Variants in BUB3 observed in about 807,000 individuals in gnomAD.
BUB3 encodes mitotic checkpoint protein BUB3.
A neutral mutation model predicts 39.9 loss-of-function variants in BUB3; 22 were observed. The ratio of observed to expected loss-of-function variants is 0.55; its 90% CI spans 0.39 to 0.79. BUB3 has a LOEUF of 0.79. Ranked by LOEUF, BUB3 falls within the 30% of genes least tolerant of loss-of-function variation. BUB3 has a pLI of 0.00. For missense variants in BUB3, 303 were observed against 415.4 expected (o/e 0.73, Z 2.35); for synonymous variants, 168 against 155.1 (o/e 1.08, Z -0.62).
intron 3 of BUB3, among the ~76,000 whole-genome samples, chr10:123,156,886 G>A (rs1201090963): frequency 6.6e-6 from 1 of 152,064 alleles, no homozygotes; most frequent in Non-Finnish European, 1.5e-5. Flanking sequence ...TGGGACTACA[G>A]GTGTGCGCCA....
intron 3 of BUB3, among the ~76,000 whole-genome samples, chr10:123,156,753 G>GTTTTTT (rs756642442): frequency 2.2e-5 from 3 of 135,080 alleles, no homozygotes; most frequent in African/African-American, 5.6e-5. Flanking sequence ...TTTCTTTCTT[G>GTTTTTT]TTTTTTTTTT....
intron 7 of BUB3, 149 bp from the exon 8 acceptor site, chr10:123,163,671 C>G (rs1844452669): frequency 1.5e-6 from 1 of 650,218 alleles, no homozygotes; most frequent in African/African-American, 1.9e-5. Context: ...ATCAGATATG[C>G]TTTTACAGGT....
chr10:123,161,697 A>G (rs1465285040), intron 5 of BUB3, among the ~76,000 whole-genome samples: 1 of 152,192 alleles, frequency 6.6e-6, no homozygotes, highest in Non-Finnish European at 1.5e-5. Context: ...AGATGAAAAA[A>G]CGTTTAAAAT....
Position 123,163,899 on chromosome 10 carries a change from G to T in BUB3, c.*64G>T. ...AAAACAATTCGTACTCCCCAATGGTGGATTTATTACTATTAAAGAAACCAG... is the reference window on the plus strand; with the variant it reads ...AAAACAATTCGTACTCCCCAATGGTTGATTTATTACTATTAAAGAAACCAG... On this transcript the variant is annotated 3_prime_UTR_variant, in exon 8 of 8. Coordinates refer to ENST00000368865, the MANE Select transcript of BUB3 (RefSeq NM_004725.4). The T allele has an allele frequency of 1.3e-6, 2 of 1,505,316 alleles. No individual in the cohort carries two copies. Among genetic ancestry groups the T allele is most frequent in the Admixed American group, 2.0e-5 (1 of 50,538 alleles). 93.2% of individuals were successfully genotyped at this position (1,505,316 alleles called of 1,614,324 possible).
rs1205733721 is a variant in BUB3 at position 123,160,478 on chromosome 10, C to T, written c.489C>T (p.Asp163=). ...GTAGRRVLVW[D]LRNMGYVQQR... ...CAGGCCGCAGAGTGTTGGTGTGGGA[C>T]TTACGGAACATGGGTTACGTGCAGC... is the stretch of plus-strand genomic sequence containing the variant. Residue 163 remains aspartate (D), a synonymous_variant, in exon 5 of 8, where the codon GAC becomes GAT. Transcript: ENST00000368865. The T allele has an allele frequency of 3.7e-6, 6 of 1,613,540 alleles. No homozygotes were observed. The highest frequency in any genetic ancestry group is 5.1e-6 in the Non-Finnish European group (6 of 1,179,950).
At chr10:123,155,858 G>A in intron 3 of BUB3, 131 bp downstream of exon 3, 4 of 739,050 alleles carry the variant, frequency 5.4e-6, no homozygotes, top group Non-Finnish European at 9.1e-6. Flanking sequence ...TTGAATTTAG[G>A]ATTTTTTTAA....
intron 7 of BUB3, among the ~76,000 whole-genome samples, chr10:123,163,602 A>G (rs780885667): frequency 6.6e-5 from 10 of 152,248 alleles, no homozygotes; most frequent in Admixed American, 2.0e-4. Context: ...TAAAATGGAT[A>G]TGGTACCCTT....
rs1167886422 is a variant in BUB3 at position 123,164,237 on chromosome 10, G to A, written c.*402G>A. 3.0e-6 allele frequency: 3 copies of A among 990,930 alleles called. No homozygotes were observed. Among genetic ancestry groups the A allele is most frequent in the Non-Finnish European group, 2.4e-6 (2 of 834,070 alleles). 61.4% of individuals were successfully genotyped at this position (990,930 alleles called of 1,614,324 possible). ...CGTGAGCCATTTGTTTCTTTTGCTG[G>A]TTATAGTTGCTAATTCTAAAGCTGC... On this transcript the variant is annotated 3_prime_UTR_variant, in exon 8 of 8. Coordinates refer to ENST00000368865, the MANE Select transcript of BUB3 (RefSeq NM_004725.4).
rs760320552 is a variant in BUB3, at chr10:123,160,406, G to A, written c.418-1G>A. On this transcript the variant is annotated splice_acceptor_variant, in intron 4 of 7. Coordinates refer to ENST00000368865, the MANE Select transcript of BUB3 (RefSeq NM_004725.4). LOFTEE classifies it high-confidence loss of function. ...TAGCAAGTTTTGATCTTTTTTAAAA[G>A]GTATATACCCTCTCAGTGTCTGGAG... The A allele has an allele frequency of 1.9e-6, 3 of 1,556,370 alleles. No individual in the cohort carries two copies.
Position 123,157,891 on chromosome 10 carries a change from T to C in BUB3, c.417+11T>C, listed in dbSNP as rs760679689. Reference sequence around the variant, plus strand: ...TCTCAGCCTGAAAAGGTAGGCTCTTTATATTCATTGCAGGAGTTGATGGTT... The same window carrying C: ...TCTCAGCCTGAAAAGGTAGGCTCTTCATATTCATTGCAGGAGTTGATGGTT... On this transcript the variant is annotated intron_variant, in intron 4 of 7. Coordinates refer to ENST00000368865, the MANE Select transcript of BUB3 (RefSeq NM_004725.4). 1.2e-6 allele frequency: 2 copies of C among 1,609,040 alleles called. No homozygotes were observed. Among genetic ancestry groups the C allele is most frequent in the East Asian group, 2.2e-5 (1 of 44,776 alleles).
In BUB3 at chr10:123,164,720, C is replaced by A; in HGVS notation, c.*885C>A. 3.8e-6 allele frequency: 4 copies of A among 1,062,580 alleles called. No homozygotes were observed. Among genetic ancestry groups the A allele is most frequent in the Non-Finnish European group, 3.4e-6 (3 of 879,476 alleles). 65.8% of individuals were successfully genotyped at this position (1,062,580 alleles called of 1,614,324 possible). On this transcript the variant is annotated 3_prime_UTR_variant, in exon 8 of 8. Coordinates refer to ENST00000368865, the MANE Select transcript of BUB3 (RefSeq NM_004725.4). ...CTTATGTCCATTTCAGTTGACCAGC[C>A]GCTGGTGATTAAAGTTAAAAAGAAA...
At position 123,155,845 on chromosome 10, in the gene BUB3, G is replaced by A. The variant is rs1564781586; in HGVS notation, c.265+118G>A. 9.3e-6 allele frequency: 8 copies of A among 862,430 alleles called. No homozygotes were observed. The East Asian group carries it at 2.1e-4, about 23-fold the overall frequency. 53.4% of individuals were successfully genotyped at this position (862,430 alleles called of 1,614,324 possible). A position where few individuals can be genotyped will look rare whatever the true frequency, so the allele number is the denominator to read the frequency against. On this transcript the variant is annotated intron_variant, in intron 3 of 7. Coordinates refer to ENST00000368865, the MANE Select transcript of BUB3 (RefSeq NM_004725.4). ...GTTACTAAGTTGCTTAAGTACAGGT[G>A]GCTTGAATTTAGGATTTTTTTAATT...
chr10:123,162,466 C>CT, intron 6 of BUB3, 53 bp downstream of exon 6: 1 of 1,584,516 alleles, frequency 6.3e-7, no homozygotes, highest in Admixed American at 1.9e-5. Context: ...TTGGTGCTTG[C>CT]TTTTTATGGT....
At chr10:123,162,553 A>T in intron 6 of BUB3, 59 bp from the exon 7 acceptor site, 7 of 1,549,868 alleles carry the variant, frequency 4.5e-6, no homozygotes, top group Non-Finnish European at 5.3e-6. Flanking sequence ...TGTTAAGAGA[A>T]TGGTTATTTC....
In BUB3 at chr10:123,164,369, A is replaced by G. The variant is rs1844461231; in HGVS notation, c.*534A>G. 1 of 985,666 alleles carries G rather than the reference A, an allele frequency of 1.0e-6. No homozygotes were observed. The highest frequency in any genetic ancestry group is 1.2e-6 in the Non-Finnish European group (1 of 830,222). The allele number at this position is 985,666 out of a possible 1,614,324, so 61.1% of individuals were successfully genotyped here. ...TTCATCATTTCCTGGGCTGTTAAAC[A>G]AAGCGAGGTTAAGGTTAGACTCTTG... On this transcript the variant is annotated 3_prime_UTR_variant, in exon 8 of 8. Transcript: ENST00000368865.
intron 5 of BUB3, among the ~76,000 whole-genome samples, chr10:123,160,900 C>T (rs1300836544): frequency 6.6e-6 from 1 of 152,278 alleles, no homozygotes; most frequent in African/African-American, 2.4e-5. Flanking sequence ...GCAGATATTT[C>T]AGTTTACAAA....
At chr10:123,158,586 A>C in intron 4 of BUB3, among the ~76,000 whole-genome samples, 1 of 152,234 alleles carries the variant, frequency 6.6e-6, no homozygotes, top group Non-Finnish European at 1.5e-5. Flanking sequence ...CTATTTCCTC[A>C]GCGTGAATAT....
rs759185804 is a variant in BUB3, at chr10:123,162,241, T to C, written c.582T>C (p.Tyr194=). Reference sequence around the variant, plus strand: ...CTCTGGTTCTCTCTTGGCAGGGTTATGTATTAAGCTCTATTGAAGGCCGAG... The same window carrying C: ...CTCTGGTTCTCTCTTGGCAGGGTTACGTATTAAGCTCTATTGAAGGCCGAG... ...CIRAFPNKQG[Y]VLSSIEGRVA... Residue 194 remains tyrosine, a synonymous_variant, in exon 6 of 8, where the codon TAT becomes TAC. Transcript: ENST00000368865. 27 of 1,611,322 alleles carry C rather than the reference T, an allele frequency of 1.7e-5. No homozygotes were observed. The East Asian group carries it at 3.3e-4, about 20-fold the overall frequency.
chr10:123,169,676 A>G lies in BUB3; in HGVS notation c.*5841A>G, dbSNP rs944112910. 1 of 152,232 alleles carries G rather than the reference A, an allele frequency of 6.6e-6. No homozygotes were observed. The highest frequency in any genetic ancestry group is 6.5e-5 in the Admixed American group (1 of 15,276). 9.4% of individuals were successfully genotyped at this position (152,232 alleles called of 1,614,324 possible). A position where few individuals can be genotyped will look rare whatever the true frequency, so the allele number is the denominator to read the frequency against. On this transcript the variant is annotated 3_prime_UTR_variant, in exon 8 of 8. Coordinates refer to ENST00000368865, the MANE Select transcript of BUB3 (RefSeq NM_004725.4). ...TACTTTAAAAAGAAGGGAGCCTAGC[A>G]TCTTGTCAAATCTTTGAGCCCACTC...
Sources: gnomAD v4.1 joint callset for allele counts (sites outside exome capture counted in the v4.1 genomes callset) on GRCh38, gnomAD v4.1.1 for gene constraint, MANE v1.5 for transcripts, NCBI Gene and HGNC (gene_info 2026-07-23, HGNC 2026-07-21) for gene names.